DPYD: variants seen among roughly 807,000 people sequenced by gnomAD.
DPYD encodes dihydropyrimidine dehydrogenase [NADP(+)].
DPYD carries 109 observed loss-of-function variants against 116.2 expected under a neutral mutation model. The observed-to-expected ratio is 0.94, with a 90% confidence interval of 0.80 to 1.10. The LOEUF is 1.10. Among genes scored for constraint, DPYD ranks in the 50% least tolerant of loss-of-function variants. The pLI, the probability that DPYD is intolerant of heterozygous loss-of-function variation, is 0.00. For synonymous variants in DPYD, 440 were observed against 432.0 expected (o/e 1.02, Z -0.23); for missense variants, 1,302 against 1,254.5 (o/e 1.04, Z -0.57).
At chr1:97,448,998 T>C (rs908547823) in intron 14 of DPYD, among the ~76,000 whole-genome samples, 2 of 152,118 alleles carry the variant, frequency 1.3e-5, no homozygotes, top group African/African-American at 4.8e-5. Flanking sequence ...TATGTGCATG[T>C]ATTTTATTTC....
chr1:97,157,293 C>T (rs917399235), intron 20 of DPYD, among the ~76,000 whole-genome samples: 2 of 151,458 alleles, frequency 1.3e-5, no homozygotes, highest in Non-Finnish European at 3.0e-5. Flanking sequence ...TAAAAAAACC[C>T]CTTCTTGGTA....
chr1:97,079,365 C>T (rs535702984), intron 22 of DPYD, among the ~76,000 whole-genome samples: 1 of 152,162 alleles, frequency 6.6e-6, no homozygotes, highest in African/African-American at 2.4e-5. Context: ...GTTTAAAATT[C>T]CTTAGGGGTA....
intron 16 of DPYD, among the ~76,000 whole-genome samples, chr1:97,336,273 T>C (rs947675437): frequency 6.6e-6 from 1 of 152,172 alleles, no homozygotes; most frequent in African/African-American, 2.4e-5. Flanking sequence ...GTAAATGCAG[T>C]ATCAATGAGC....
intron 8 of DPYD, among the ~76,000 whole-genome samples, chr1:97,602,057 T>C (rs866837390): frequency 1.5e-4 from 23 of 151,990 alleles, no homozygotes; most frequent in African/African-American, 5.3e-4. Context: ...AGACACCATT[T>C]AAATAGTATT....
At chr1:97,620,560 C>A (rs1381805664) in intron 8 of DPYD, among the ~76,000 whole-genome samples, 2 of 152,162 alleles carry the variant, frequency 1.3e-5, no homozygotes, top group Non-Finnish European at 2.9e-5. Context: ...GGTTATTAAC[C>A]ATCTGCCCTC....
At chr1:97,470,824 C>G (rs969448311) in intron 13 of DPYD, among the ~76,000 whole-genome samples, 1 of 151,968 alleles carries the variant, frequency 6.6e-6, no homozygotes, top group African/African-American at 2.4e-5. Flanking sequence ...ATAGCGAAAC[C>G]CCATCAAGTA....
At chr1:97,276,557 A>G (rs1429818935) in intron 18 of DPYD, among the ~76,000 whole-genome samples, 1 of 152,080 alleles carries the variant, frequency 6.6e-6, no homozygotes, top group Non-Finnish European at 1.5e-5. Context: ...AAATGAAAAA[A>G]TGTTCAACAT....
At chr1:97,264,853 A>G (rs1353235122) in intron 18 of DPYD, among the ~76,000 whole-genome samples, 1 of 152,144 alleles carries the variant, frequency 6.6e-6, no homozygotes. Context: ...GATCAAGGCA[A>G]AGCTTAAATA....
chr1:97,520,843 T>C (rs1570890292), intron 12 of DPYD, among the ~76,000 whole-genome samples: 1 of 152,318 alleles, frequency 6.6e-6, no homozygotes, highest in South Asian at 2.1e-4. Context: ...CCATGGTATA[T>C]ATGAGCCACA....
chr1:97,409,397 T>A (rs1164433783), intron 14 of DPYD, among the ~76,000 whole-genome samples: 1 of 152,134 alleles, frequency 6.6e-6, no homozygotes, highest in Non-Finnish European at 1.5e-5. Context: ...ATGGGCTATG[T>A]CTTCTATCTC....
intron 18 of DPYD, among the ~76,000 whole-genome samples, chr1:97,255,072 G>T (rs554247616): frequency 1.3e-5 from 2 of 152,244 alleles, no homozygotes; most frequent in East Asian, 3.9e-4. Flanking sequence ...AGAGTTTAGG[G>T]CATGCCTGAG....
intron 1 of DPYD, among the ~76,000 whole-genome samples, chr1:97,909,882 G>A (rs1460900608): frequency 6.6e-6 from 1 of 152,004 alleles, no homozygotes; most frequent in Non-Finnish European, 1.5e-5. Flanking sequence ...TATCTTTACT[G>A]TGCTATCTAA....
chr1:97,210,375 T>G (rs1209917352), intron 19 of DPYD, among the ~76,000 whole-genome samples: 1 of 152,144 alleles, frequency 6.6e-6, no homozygotes, highest in East Asian at 1.9e-4. Context: ...AAATTTAGCT[T>G]CAGGAACATA....
intron 10 of DPYD, among the ~76,000 whole-genome samples, chr1:97,582,935 ATCTCTTTTAACAAGTAAAGGGT>A (rs1653793646): frequency 6.6e-6 from 1 of 152,126 alleles, no homozygotes; most frequent in African/African-American, 2.4e-5. Flanking sequence ...CATTAAATAC[ATCTCTTTTAACAAGTAAAGGGT>A]TGATTTTTTG....
chr1:97,521,601 C>T (rs1441532172), intron 12 of DPYD, among the ~76,000 whole-genome samples: 1 of 152,046 alleles, frequency 6.6e-6, no homozygotes, highest in Non-Finnish European at 1.5e-5. Context: ...GTATAACCAA[C>T]ACAATCCTAA....
chr1:97,430,273 G>C (rs1675101639), intron 14 of DPYD, among the ~76,000 whole-genome samples: 2 of 152,068 alleles, frequency 1.3e-5, no homozygotes, highest in Admixed American at 6.6e-5. Context: ...CGTACCCTTG[G>C]AGAATTCTAG....
chr1:97,190,982 G>A (rs994440923), intron 20 of DPYD, among the ~76,000 whole-genome samples: 2 of 151,878 alleles, frequency 1.3e-5, no homozygotes, highest in Admixed American at 6.6e-5. Context: ...TATAGTATGC[G>A]GACACTGTGA....
chr1:97,334,727 A>C (rs1669197139), intron 16 of DPYD, among the ~76,000 whole-genome samples: 1 of 152,222 alleles, frequency 6.6e-6, no homozygotes, highest in African/African-American at 2.4e-5. Context: ...GGAGCTCAAT[A>C]AATTATAATT....
intron 6 of DPYD, among the ~76,000 whole-genome samples, chr1:97,692,009 ATATAAAAATAAC>A (rs1220896433): frequency 6.6e-6 from 1 of 152,180 alleles, no homozygotes; most frequent in East Asian, 1.9e-4. Flanking sequence ...GTAGAAACTG[ATATAAAAATAAC>A]TAAATTACAG....
Sources: allele counts gnomAD v4.1 joint callset (sites outside exome capture counted in the v4.1 genomes callset), GRCh38; gene constraint gnomAD v4.1.1; transcripts MANE v1.5; gene names NCBI Gene and HGNC (gene_info 2026-07-23, HGNC 2026-07-21).